NUCB2: variants seen among roughly 807,000 people sequenced by gnomAD.
The protein encoded by NUCB2 is nucleobindin-2.
Under a neutral mutation model 57.9 loss-of-function variants are expected in NUCB2, and 48 were observed. That is an observed-to-expected ratio of 0.83 (90% CI 0.66 to 1.05). NUCB2 has a LOEUF of 1.05. Among genes scored for constraint, NUCB2 ranks in the 50% least tolerant of loss-of-function variants. The pLI is 0.00. For synonymous variants in NUCB2, 139 were observed against 152.1 expected, an observed-to-expected ratio of 0.91 and a Z score of 0.64; for missense variants, 442 against 476.2, an observed-to-expected ratio of 0.93 and a Z score of 0.67.
At chr11:17,305,362 T>G (rs1346077698) in intron 5 of NUCB2, among the ~76,000 whole-genome samples, 1 of 151,890 alleles carries the variant, frequency 6.6e-6, no homozygotes, top group Non-Finnish European at 1.5e-5. Context: ...GTAAGAAAAC[T>G]TAGATACCTC....
rs754876808 is a variant in NUCB2, at chr11:17,311,050, AT to A, written c.669+41del. ...TTTATGAAACCATTTTTAGATAAAG[AT>A]ACTTCTTCGTATCAGCGGATTTTTA... On this transcript the variant is annotated intron_variant, in intron 7 of 13. Transcript: ENST00000529010. 4 of 1,504,706 alleles carry A rather than the reference AT, an allele frequency of 2.7e-6. No individual in the cohort carries two copies. The South Asian group carries it at 5.2e-5, about 20-fold the overall frequency. The allele number at this position is 1,504,706 out of a possible 1,614,324, so 93.2% of individuals were successfully genotyped here.
At chr11:17,309,733 A>T (rs1948203070) in intron 6 of NUCB2, 58 bp downstream of exon 6, 9 of 1,025,822 alleles carry the variant, frequency 8.8e-6, no homozygotes, top group Non-Finnish European at 1.3e-5. Flanking sequence ...TTGTAATTTG[A>T]CAAGTAAACC....
chr11:17,327,735 C>G (rs61226764), intron 11 of NUCB2, among the ~76,000 whole-genome samples: 68 of 152,198 alleles, frequency 4.5e-4, no homozygotes, highest in African/African-American at 1.6e-3. Context: ...TCAGCGTGTC[C>G]GTTCCATTTT....
chr11:17,342,369 T>C (rs1952346390), intron 2 of NUCB2, among the ~76,000 whole-genome samples: 1 of 152,214 alleles, frequency 6.6e-6, no homozygotes, highest in Non-Finnish European at 1.5e-5. Context: ...TGAATGTGTT[T>C]GCTCTTGCTT....
In NUCB2 at chr11:17,310,841, AAC is replaced by A; in HGVS notation, c.503_504del (p.His168LeufsTer2). Reference sequence around the variant, plus strand: ...GCATTTCAGGCAACAAGTGATCTGGAACACTATGACAAGACTCGTCATGAAGA... The same window carrying A: ...GCATTTCAGGCAACAAGTGATCTGGAACTATGACAAGACTCGTCATGAAGA... On this transcript the variant is annotated frameshift_variant, in exon 7 of 14. Transcript: ENST00000529010. LOFTEE classifies it high-confidence loss of function. 1 of 1,584,118 alleles carries A rather than the reference AAC, an allele frequency of 6.3e-7. No individual in the cohort carries two copies. The highest frequency in any genetic ancestry group is 1.4e-5 in the African/African-American group (1 of 72,724).
chr11:17,312,965 C>T (rs1427860733), intron 10 of NUCB2, among the ~76,000 whole-genome samples: 3 of 151,988 alleles, frequency 2.0e-5, no homozygotes, highest in South Asian at 4.1e-4. Flanking sequence ...CTTCGGCCTC[C>T]CAAAGTGCTG....
At chr11:17,321,045 C>T (rs1949951397) in intron 11 of NUCB2, among the ~76,000 whole-genome samples, 1 of 151,148 alleles carries the variant, frequency 6.6e-6, no homozygotes, top group Admixed American at 6.8e-5. Flanking sequence ...GTAATAATCA[C>T]ATAATGGAAA....
intron 7 of NUCB2, 41 bp downstream of exon 7, chr11:17,311,051 T>C (rs368148114): frequency 2.6e-5 from 39 of 1,492,004 alleles, no homozygotes; most frequent in Non-Finnish European, 3.3e-5. Flanking sequence ...TAGATAAAGA[T>C]ACTTCTTCGT....
intron 2 of NUCB2, among the ~76,000 whole-genome samples, chr11:17,294,068 T>C (rs1291191944): frequency 2.0e-5 from 3 of 152,222 alleles, no homozygotes; most frequent in Non-Finnish European, 4.4e-5. Context: ...AAACCCAAAA[T>C]GCACACCTAT....
At chr11:17,345,710 AAAAAG>A (rs1327607052) in intron 2 of NUCB2, among the ~76,000 whole-genome samples, 5 of 152,242 alleles carry the variant, frequency 3.3e-5, no homozygotes, top group Non-Finnish European at 7.3e-5. Context: ...CCGTCTCAAA[AAAAAG>A]AAAAGTAACC....
chr11:17,309,539 T>C, intron 5 of NUCB2, 33 bp from the exon 6 acceptor site: 2 of 1,165,880 alleles, frequency 1.7e-6, no homozygotes, highest in Non-Finnish European at 1.2e-6. Context: ...CTTCTAGAAA[T>C]TGATCATTTA....
intron 4 of NUCB2, among the ~76,000 whole-genome samples, chr11:17,298,081 CAAAA>C (rs34329500): frequency 4.8e-5 from 4 of 82,736 alleles, no homozygotes; most frequent in Non-Finnish European, 7.2e-5. Context: ...GACTTCGTCT[CAAAA>C]AAAAAAAAAA....
intron 2 of NUCB2, among the ~76,000 whole-genome samples, chr11:17,288,950 C>CACACACACACACACACACAT (rs1944414979): frequency 3.0e-5 from 1 of 33,162 alleles, no homozygotes; most frequent in Non-Finnish European, 4.8e-5. Context: ...CACACACACA[C>CACACACACACACACACACAT]ATATATATAT....
intron 2 of NUCB2, among the ~76,000 whole-genome samples, chr11:17,340,566 A>G (rs1357149912): frequency 2.0e-5 from 3 of 152,074 alleles, no homozygotes; most frequent in African/African-American, 4.8e-5. Context: ...CTTTCTACAT[A>G]TGGCTAGCCA....
chr11:17,302,906 T>C (rs986731528), intron 5 of NUCB2, among the ~76,000 whole-genome samples: 1 of 152,014 alleles, frequency 6.6e-6, no homozygotes, highest in Non-Finnish European at 1.5e-5. Flanking sequence ...ACCCAGCTAA[T>C]TTTTTGTATT....
intron 1 of NUCB2, among the ~76,000 whole-genome samples, chr11:17,277,256 C>A (rs1941532025): frequency 6.6e-6 from 1 of 152,198 alleles, no homozygotes. Flanking sequence ...CTTCTCCGGT[C>A]TGGTTAAGCC....
At chr11:17,300,435 G>A (rs1324798565) in intron 4 of NUCB2, among the ~76,000 whole-genome samples, 1 of 151,964 alleles carries the variant, frequency 6.6e-6, no homozygotes, top group Non-Finnish European at 1.5e-5. Context: ...ACTCCTAATT[G>A]CGCCCCTTTC....
intron 1 of NUCB2, among the ~76,000 whole-genome samples, chr11:17,279,149 G>A (rs1312682700): frequency 1.3e-5 from 2 of 152,130 alleles, no homozygotes; most frequent in African/African-American, 4.8e-5. Context: ...CCGAGATCGC[G>A]CTATTGCACT....
intron 10 of NUCB2, among the ~76,000 whole-genome samples, chr11:17,313,842 T>C (rs1248905887): frequency 4.6e-5 from 7 of 152,132 alleles, no homozygotes; most frequent in Non-Finnish European, 7.4e-5. Context: ...GCCCATCCCT[T>C]GGCCGTGTTC....
Sources: gnomAD v4.1 joint callset for allele counts (sites outside exome capture counted in the v4.1 genomes callset) on GRCh38, gnomAD v4.1.1 for gene constraint, MANE v1.5 for transcripts, NCBI Gene and HGNC (gene_info 2026-07-23, HGNC 2026-07-21) for gene names.